The following TBC1D9 variants were observed in gnomAD, a reference collection of about 807,000 sequenced individuals.
The protein encoded by TBC1D9 is TBC1 domain family member 9A.
Under a neutral mutation model 132.0 loss-of-function variants are expected in TBC1D9, and 63 were observed. The observed-to-expected ratio is 0.48, with a 90% CI of 0.39 to 0.59. The LOEUF is 0.59. TBC1D9 is among the 20% of genes least tolerant of loss of function. TBC1D9 has a pLI of 0.00. For missense variants in TBC1D9, 1,261 were observed against 1,592.7 expected (o/e 0.79, Z 3.54); for synonymous variants, 610 against 609.9 (o/e 1.00, Z 0.00).
At chr4:140,755,647 C>T (rs1444358448) in intron 1 of TBC1D9, among the ~76,000 whole-genome samples, 1 of 152,054 alleles carries the variant, frequency 6.6e-6, no homozygotes, top group Non-Finnish European at 1.5e-5. Flanking sequence ...ATTCCCTCCG[C>T]CCCAGACTCA....
At position 140,706,214 on chromosome 4, in the gene TBC1D9, G is replaced by A. The variant is rs959764392; in HGVS notation, c.131-4600C>T. Among the ~76,000 whole-genome samples, 4 of 152,188 alleles carry A rather than the reference G, an allele frequency of 2.6e-5. No individual in the cohort carries two copies. The highest frequency in any genetic ancestry group is 1.5e-5 in the Non-Finnish European group (1 of 68,042). On this transcript the variant is annotated intron_variant, in intron 1 of 20. Coordinates refer to ENST00000442267, the MANE Select transcript of TBC1D9 (RefSeq NM_015130.3). The surrounding 1 kb of genome is among the most constrained non-coding windows in gnomAD (Gnocchi z 4.0). ...ATCGATCCATCTACTGATGATCAGG[G>A]CTAAAGTTAAACTGGACAGGATCCT...
chr4:140,728,046 C>T (rs1179809545), intron 1 of TBC1D9, among the ~76,000 whole-genome samples: 1 of 152,078 alleles, frequency 6.6e-6, no homozygotes, highest in Non-Finnish European at 1.5e-5. Context: ...TACTTTTTTA[C>T]TTTTAACTCT....
intron 13 of TBC1D9, among the ~76,000 whole-genome samples, chr4:140,649,238 G>A (rs1737149659): frequency 6.6e-6 from 1 of 152,194 alleles, no homozygotes; most frequent in African/African-American, 2.4e-5. Context: ...CCCACCACAG[G>A]GGAATTTACT....
At chr4:140,644,750 G>A (rs1473917146) in intron 13 of TBC1D9, 1 of 403,700 alleles carries the variant, frequency 2.5e-6, no homozygotes, top group Non-Finnish European at 4.9e-6. Flanking sequence ...TGGTGCAGGG[G>A]GCTGCAGCCT....
intron 1 of TBC1D9, among the ~76,000 whole-genome samples, chr4:140,737,110 C>T (rs754677292): frequency 3.3e-5 from 5 of 152,250 alleles, no homozygotes; most frequent in South Asian, 2.1e-4. Context: ...CCCTTGCATG[C>T]GCAGTGCACA....
At chr4:140,646,319 G>A (rs971179657) in intron 13 of TBC1D9, among the ~76,000 whole-genome samples, 1 of 152,094 alleles carries the variant, frequency 6.6e-6, no homozygotes, top group South Asian at 2.1e-4. Context: ...GCTCCATCCC[G>A]GGGAAACTCC....
rs544284263 is a variant in TBC1D9 at position 140,753,407 on chromosome 4, C to T, written c.130+2509G>A. On this transcript the variant is annotated intron_variant, in intron 1 of 20. Coordinates refer to ENST00000442267, the MANE Select transcript of TBC1D9 (RefSeq NM_015130.3). Reference sequence around the variant, plus strand: ...CCATGCCCAGTTCCTTAGCTGGCTTCTATTGGGTTCCAGGGATGGGAGGCA... The same window carrying T: ...CCATGCCCAGTTCCTTAGCTGGCTTTTATTGGGTTCCAGGGATGGGAGGCA... Among the ~76,000 whole-genome samples, 272 of 152,218 alleles carry T rather than the reference C, an allele frequency of 1.8e-3. 1 individual carries two copies. The highest frequency in any genetic ancestry group is 7.7e-3 in the South Asian group (37 of 4,824).
At chr4:140,642,639 C>A in intron 13 of TBC1D9, 1 of 736,524 alleles carries the variant, frequency 1.4e-6, no homozygotes. Context: ...TTAGACGAAG[C>A]CTCGTGTTCA....
At chr4:140,751,418 C>T (rs866759063) in intron 1 of TBC1D9, among the ~76,000 whole-genome samples, 1 of 152,118 alleles carries the variant, frequency 6.6e-6, no homozygotes, top group African/African-American at 2.4e-5. Flanking sequence ...CTACTTCACA[C>T]AATATGCAAA....
chr4:140,753,215 TCCCAAGAAACTACATTA>T (rs1179891071), intron 1 of TBC1D9, among the ~76,000 whole-genome samples: 1 of 151,902 alleles, frequency 6.6e-6, no homozygotes, highest in African/African-American at 2.4e-5. Flanking sequence ...GGGAGGCTGA[TCCCAAGAAACTACATTA>T]CCAGGACTCT....
intron 13 of TBC1D9, chr4:140,642,915 C>T (rs1327096434): frequency 1.7e-5 from 10 of 594,070 alleles, no homozygotes; most frequent in South Asian, 1.1e-4. Flanking sequence ...CTCGGAGTCC[C>T]GGCGCCGCTG....
intron 6 of TBC1D9, among the ~76,000 whole-genome samples, chr4:140,673,583 G>C (rs941779361): frequency 1.3e-5 from 2 of 152,030 alleles, no homozygotes. Context: ...CCATTAGTTG[G>C]GGTGGGGCTC....
chr4:140,686,602 T>G, intron 2 of TBC1D9, 140 bp from the exon 3 acceptor site: 1 of 583,998 alleles, frequency 1.7e-6, no homozygotes, highest in Admixed American at 3.3e-5. Context: ...CTTTCTCTCC[T>G]CCAGAGGAGA....
At chr4:140,697,525 A>G (rs995828811) in intron 2 of TBC1D9, among the ~76,000 whole-genome samples, 1 of 152,238 alleles carries the variant, frequency 6.6e-6, no homozygotes, top group Non-Finnish European at 1.5e-5. Context: ...AACTAAAACC[A>G]TTCTGGGTTT....
In TBC1D9 at chr4:140,657,756, G is replaced by A; in HGVS notation, c.1978C>T (p.Leu660=). ...CCCAGGTCTTGCATGCAGTCGTACA[G>A]CTGTGGGACGTAGTCTCGTGCTAGC... is the stretch of plus-strand genomic sequence containing the variant. ...EELARDYVPQ[L]YDCMQDLGVI... Residue 660 remains leucine (L), a synonymous_variant, in exon 12 of 21, where the codon CTG becomes TTG. Transcript: ENST00000442267. 6.2e-7 allele frequency: 1 copy of A among 1,614,042 alleles called. No homozygotes were observed. Among genetic ancestry groups the A allele is most frequent in the Non-Finnish European group, 8.5e-7 (1 of 1,179,898 alleles).
intron 2 of TBC1D9, among the ~76,000 whole-genome samples, chr4:140,694,506 G>A (rs1024865654): frequency 6.6e-6 from 1 of 151,100 alleles, no homozygotes; most frequent in East Asian, 1.9e-4. Context: ...GGGAGTTAGA[G>A]GTTGCAGTAG....
intron 1 of TBC1D9, among the ~76,000 whole-genome samples, chr4:140,708,898 T>C: frequency 6.6e-6 from 1 of 152,130 alleles, no homozygotes; most frequent in East Asian, 1.9e-4. Context: ...CAGGCGCAGG[T>C]ATTATTGGCA....
rs193136862 is a variant in TBC1D9, at chr4:140,696,450, C to T, written c.241+5054G>A. Among the ~76,000 whole-genome samples the T allele has an allele frequency of 9.2e-4, 75 of 81,430 alleles. 1 individual carries two copies. The highest frequency in any genetic ancestry group is 3.0e-3 in the African/African-American group (65 of 21,616). 53.4% of individuals were successfully genotyped at this position (81,430 alleles called of 152,430 possible). ...CCAGCCTGGAGACAGAGCAAGAGTC[C>T]GTCTCAAAAAAAAAAAAAAAAAAAA... On this transcript the variant is annotated intron_variant, in intron 2 of 20. Transcript: ENST00000442267.
chr4:140,642,810 T>C, intron 13 of TBC1D9: 1 of 615,704 alleles, frequency 1.6e-6, no homozygotes, highest in Non-Finnish European at 2.9e-6. Context: ...TTGCAGTTCT[T>C]CCCCCTCTTG....
Sources: gnomAD v4.1 joint callset for allele counts (sites outside exome capture counted in the v4.1 genomes callset) on GRCh38, gnomAD v4.1.1 for gene constraint, Gnocchi (gnomAD v3.1) non-coding constraint, MANE v1.5 for transcripts, NCBI Gene and HGNC (gene_info 2026-07-23, HGNC 2026-07-21) for gene names.